Variants in APBB2 observed in about 807,000 individuals in gnomAD.
APBB2 encodes Fe65-like 1.
Under a neutral mutation model 82.5 loss-of-function variants are expected in APBB2, and 38 were observed. The ratio of observed to expected loss-of-function variants is 0.46; its 90% CI spans 0.36 to 0.60. APBB2 has a LOEUF of 0.60. Among genes scored for constraint, APBB2 ranks in the 20% least tolerant of loss-of-function variants. The probability of loss-of-function intolerance (pLI) is 0.00; values close to 1 mark genes in which losing one functional copy is unlikely to be tolerated. For synonymous variants in APBB2, 341 were observed against 368.2 expected (o/e 0.93, Z 0.85); for missense variants, 772 against 972.3 (o/e 0.79, Z 2.74).
At chr4:40,967,486 G>A (rs1794955434) in intron 6 of APBB2, among the ~76,000 whole-genome samples, 1 of 152,164 alleles carries the variant, frequency 6.6e-6, no homozygotes, top group South Asian at 2.1e-4. Context: ...AAGCTTCTGG[G>A]CACCGATGCG....
chr4:41,135,941 G>A (rs1455519611), intron 2 of APBB2, among the ~76,000 whole-genome samples: 1 of 152,152 alleles, frequency 6.6e-6, no homozygotes, highest in Non-Finnish European at 1.5e-5. Context: ...GAATAGCTGG[G>A]ACTACAGATA....
intron 3 of APBB2, among the ~76,000 whole-genome samples, chr4:41,065,874 C>T (rs1258899401): frequency 6.6e-6 from 1 of 151,958 alleles, no homozygotes; most frequent in Non-Finnish European, 1.5e-5. Flanking sequence ...TGATGATTAG[C>T]ATGCAGGCCC....
intron 12 of APBB2, among the ~76,000 whole-genome samples, chr4:40,833,199 G>A (rs1752661857): frequency 6.6e-6 from 1 of 152,212 alleles, no homozygotes; most frequent in Non-Finnish European, 1.5e-5. Flanking sequence ...ACTTCCATGT[G>A]CAGCCACCAT....
intron 1 of APBB2, among the ~76,000 whole-genome samples, chr4:41,199,301 G>A (rs187119920): frequency 3.2e-4 from 48 of 152,132 alleles, no homozygotes; most frequent in Non-Finnish European, 5.1e-4. Flanking sequence ...GTAAGGAAAT[G>A]GTTAATGGTT....
In APBB2 at chr4:40,884,476, G is replaced by A. The variant is rs549521717; in HGVS notation, c.1529+5888C>T. The stretch of plus-strand genomic sequence containing the variant: ...AGAACATAAAGTACATGTGACAAAG[G>A]CCTTTTTTAAAACATCCTAACCAGG... On this transcript the variant is annotated intron_variant, in intron 12 of 17. Transcript: ENST00000508593. Among the ~76,000 whole-genome samples the A allele has an allele frequency of 2.6e-5, 4 of 152,188 alleles. No homozygotes were observed. The South Asian group carries it at 6.2e-4, about 24-fold the overall frequency.
chr4:41,128,270 G>A (rs532757108), intron 2 of APBB2, among the ~76,000 whole-genome samples: 1 of 152,262 alleles, frequency 6.6e-6, no homozygotes, highest in Admixed American at 6.5e-5. Flanking sequence ...AAAAACAACA[G>A]ATGCTGGTGA....
At chr4:40,882,128 A>C (rs1277196599) in intron 12 of APBB2, among the ~76,000 whole-genome samples, 1 of 152,138 alleles carries the variant, frequency 6.6e-6, no homozygotes, top group Non-Finnish European at 1.5e-5. Flanking sequence ...CAGAAACCAC[A>C]CCAGTCATTT....
chr4:41,075,724 T>C (rs989846534), intron 3 of APBB2, among the ~76,000 whole-genome samples: 2 of 152,236 alleles, frequency 1.3e-5, no homozygotes. Context: ...ATGGTGGAAA[T>C]ATTATGTTAC....
At chr4:40,969,068 C>T (rs1004876543) in intron 6 of APBB2, among the ~76,000 whole-genome samples, 1 of 152,216 alleles carries the variant, frequency 6.6e-6, no homozygotes, top group Non-Finnish European at 1.5e-5. Context: ...GAGGCCTCCC[C>T]AGCCACATGG....
intron 1 of APBB2, among the ~76,000 whole-genome samples, chr4:41,154,664 C>T (rs146937475): frequency 1.3e-3 from 196 of 152,262 alleles, no homozygotes; most frequent in Middle Eastern, 3.4e-3. Flanking sequence ...AATTGTGTAA[C>T]CTAGACCACA....
intron 2 of APBB2, among the ~76,000 whole-genome samples, chr4:41,116,479 A>C (rs1236400254): frequency 1.3e-5 from 2 of 152,066 alleles, no homozygotes; most frequent in African/African-American, 4.8e-5. Flanking sequence ...AAAAATACAA[A>C]AATGAGCTGG....
At chr4:40,823,601 C>T (rs149709080) in intron 16 of APBB2, 43 bp downstream of exon 16, 6 of 1,336,354 alleles carry the variant, frequency 4.5e-6, no homozygotes, top group Non-Finnish European at 6.5e-6. Context: ...ATCTTATACT[C>T]ACTGTATAAG....
chr4:41,022,935 G>C (rs952485237), intron 5 of APBB2, among the ~76,000 whole-genome samples: 2 of 152,086 alleles, frequency 1.3e-5, no homozygotes, highest in African/African-American at 4.8e-5. Flanking sequence ...GAGAAAGGGT[G>C]ATCAATGATC....
chr4:40,845,868 T>TG (rs1167270751), intron 12 of APBB2, among the ~76,000 whole-genome samples: 1 of 152,018 alleles, frequency 6.6e-6, no homozygotes, highest in African/African-American at 2.4e-5. Context: ...ATCACACCAT[T>TG]ATCCACAGGA....
chr4:41,201,673 T>C (rs1391709515), intron 1 of APBB2, among the ~76,000 whole-genome samples: 1 of 152,024 alleles, frequency 6.6e-6, no homozygotes, highest in Non-Finnish European at 1.5e-5. Flanking sequence ...CCCAGATCTA[T>C]ACAGATAAAG....
chr4:41,139,506 C>T (rs1027142602), intron 2 of APBB2, among the ~76,000 whole-genome samples: 2 of 152,142 alleles, frequency 1.3e-5, no homozygotes, highest in Non-Finnish European at 2.9e-5. Context: ...ACTGCCAAAA[C>T]TTGGAAGCAA....
chr4:41,126,057 T>C (rs1754287798), intron 2 of APBB2, among the ~76,000 whole-genome samples: 1 of 152,010 alleles, frequency 6.6e-6, no homozygotes, highest in Non-Finnish European at 1.5e-5. Flanking sequence ...GGAAACAAAA[T>C]GCTGACAAGG....
chr4:40,897,227 G>A (rs1773914782), intron 10 of APBB2, among the ~76,000 whole-genome samples: 1 of 142,666 alleles, frequency 7.0e-6, no homozygotes, highest in African/African-American at 2.5e-5. Context: ...TTGCCGGGTG[G>A]GCAAACAGGC....
chr4:40,890,595 AC>A, intron 11 of APBB2, 104 bp from the exon 12 acceptor site: 1 of 1,453,992 alleles, frequency 6.9e-7, no homozygotes. Context: ...AGAAGAAGCC[AC>A]CCTGGGGTCT....
Sources: allele counts gnomAD v4.1 joint callset (sites outside exome capture counted in the v4.1 genomes callset), GRCh38; gene constraint gnomAD v4.1.1; transcripts MANE v1.5; gene names NCBI Gene and HGNC (gene_info 2026-07-23, HGNC 2026-07-21).